The following PIK3C2G variants were observed in gnomAD, a reference collection of about 807,000 sequenced individuals.
PIK3C2G encodes phosphatidylinositol 3-kinase C2 domain-containing subunit gamma.
A neutral mutation model predicts 181.1 loss-of-function variants in PIK3C2G; 168 were observed. The ratio of observed to expected loss-of-function variants is 0.93; its 90% CI spans 0.82 to 1.05. The LOEUF is 1.05. Among genes scored for constraint, PIK3C2G ranks in the 50% least tolerant of loss-of-function variants. PIK3C2G has a pLI of 0.00. For synonymous variants in PIK3C2G, 573 were observed against 592.2 expected (o/e 0.97, Z 0.47); for missense variants, 1,869 against 1,732.8 (o/e 1.08, Z -1.40).
At chr12:18,409,446 A>G (rs934713533) in intron 16 of PIK3C2G, among the ~76,000 whole-genome samples, 1 of 152,144 alleles carries the variant, frequency 6.6e-6, no homozygotes, top group Non-Finnish European at 1.5e-5. Context: ...TACCTAATGT[A>G]GATGATGGGT....
chr12:18,364,642 A>G (rs1941509430), intron 12 of PIK3C2G, among the ~76,000 whole-genome samples: 1 of 152,144 alleles, frequency 6.6e-6, no homozygotes, highest in Non-Finnish European at 1.5e-5. Flanking sequence ...CCACATCTAT[A>G]ATCCCAACAC....
At chr12:18,476,362 T>G (rs981136611) in intron 18 of PIK3C2G, among the ~76,000 whole-genome samples, 13 of 152,116 alleles carry the variant, frequency 8.5e-5, no homozygotes, top group Admixed American at 5.9e-4. Context: ...TGATTGGAAA[T>G]ATGAGATAAG....
At chr12:18,484,578 C>T in intron 18 of PIK3C2G, among the ~76,000 whole-genome samples, 1 of 152,136 alleles carries the variant, frequency 6.6e-6, no homozygotes, top group East Asian at 1.9e-4. Context: ...CCATATAATG[C>T]TCTTTATATG....
intron 16 of PIK3C2G, among the ~76,000 whole-genome samples, chr12:18,410,227 T>G (rs771101930): frequency 6.6e-6 from 1 of 152,130 alleles, no homozygotes; most frequent in African/African-American, 2.4e-5. Context: ...AGGCCAGGCA[T>G]AGTGGCTCAC....
intron 20 of PIK3C2G, chr12:18,493,300 G>A (rs1319495965): frequency 1.3e-5 from 2 of 152,180 alleles, no homozygotes; most frequent in Non-Finnish European, 2.9e-5. Flanking sequence ...AACCATCTAT[G>A]AGAGCTCTTA....
the PIK3C2G span, among the ~76,000 whole-genome samples, chr12:18,702,417 T>C: frequency 1.3e-5 from 2 of 152,204 alleles, no homozygotes; most frequent in Non-Finnish European, 2.9e-5. Flanking sequence ...GCCCTTAGGA[T>C]AATTTCTTTA....
At chr12:18,687,122 A>G in the PIK3C2G span, among the ~76,000 whole-genome samples, 3 of 152,102 alleles carry the variant, frequency 2.0e-5, no homozygotes, top group Admixed American at 6.6e-5. Flanking sequence ...GGAAGTCATC[A>G]TCAATATCCC....
At chr12:18,291,746 T>G (rs1438299289) in intron 4 of PIK3C2G, among the ~76,000 whole-genome samples, 2 of 152,022 alleles carry the variant, frequency 1.3e-5, no homozygotes, top group Non-Finnish European at 2.9e-5. Context: ...ATTTATTAAT[T>G]ATTGTTATTA....
chr12:18,468,079 C>T (rs1201379591), intron 18 of PIK3C2G, among the ~76,000 whole-genome samples: 1 of 152,016 alleles, frequency 6.6e-6, no homozygotes, highest in African/African-American at 2.4e-5. Context: ...AACTGCTCCC[C>T]AGAAACCCAT....
the PIK3C2G span, among the ~76,000 whole-genome samples, chr12:18,654,691 A>G: frequency 6.6e-6 from 1 of 152,184 alleles, no homozygotes; most frequent in Admixed American, 6.6e-5. Context: ...ATTCCAGTTG[A>G]GTACTTGGTC....
At chr12:18,720,693 G>A in the PIK3C2G span, among the ~76,000 whole-genome samples, 1 of 152,002 alleles carries the variant, frequency 6.6e-6, no homozygotes, top group Non-Finnish European at 1.5e-5. Flanking sequence ...CTTGATTAGA[G>A]TGTGATCTTT....
chr12:18,582,164 A>G (rs1010255160), intron 29 of PIK3C2G, among the ~76,000 whole-genome samples: 1 of 152,162 alleles, frequency 6.6e-6, no homozygotes, highest in African/African-American at 2.4e-5. Context: ...AGAGAAATAG[A>G]AGGGGCAAGG....
intron 14 of PIK3C2G, among the ~76,000 whole-genome samples, chr12:18,387,581 T>C (rs1943257023): frequency 1.3e-5 from 2 of 152,178 alleles, no homozygotes; most frequent in African/African-American, 2.4e-5. Context: ...ATGAGATTCA[T>C]CTTTTTCCAC....
intron 18 of PIK3C2G, among the ~76,000 whole-genome samples, chr12:18,427,087 T>C (rs1945857412): frequency 6.6e-6 from 1 of 152,106 alleles, no homozygotes; most frequent in Non-Finnish European, 1.5e-5. Flanking sequence ...CCCTTAAAAC[T>C]TTACTGTTTT....
intron 8 of PIK3C2G, among the ~76,000 whole-genome samples, chr12:18,334,387 C>G (rs953902909): frequency 1.3e-5 from 2 of 152,088 alleles, no homozygotes. Flanking sequence ...TAAATCTAAT[C>G]CTCTTTTTAC....
At chr12:18,495,689 T>C (rs992716179) in intron 20 of PIK3C2G, among the ~76,000 whole-genome samples, 28 of 152,104 alleles carry the variant, frequency 1.8e-4, no homozygotes, top group African/African-American at 6.8e-4. Flanking sequence ...GGAAGGGAAA[T>C]AAAGTTTTTA....
At chr12:18,311,321 C>T (rs1950626095) in intron 5 of PIK3C2G, among the ~76,000 whole-genome samples, 1 of 151,796 alleles carries the variant, frequency 6.6e-6, no homozygotes, top group Non-Finnish European at 1.5e-5. Flanking sequence ...ATAGAATATC[C>T]AGTTTTATTT....
chr12:18,477,745 C>T (rs1353574079), intron 18 of PIK3C2G, among the ~76,000 whole-genome samples: 1 of 152,138 alleles, frequency 6.6e-6, no homozygotes, highest in Non-Finnish European at 1.5e-5. Flanking sequence ...CAGAATGAAT[C>T]TCACTGTTTG....
the PIK3C2G span, chr12:18,714,728 G>A: frequency 6.6e-6 from 1 of 152,266 alleles, no homozygotes; most frequent in African/African-American, 2.4e-5. Context: ...AATGTCTGGA[G>A]ACATTTTCGG....
Sources: gnomAD v4.1 joint callset for allele counts (sites outside exome capture counted in the v4.1 genomes callset) on GRCh38, gnomAD v4.1.1 for gene constraint, MANE v1.5 for transcripts, NCBI Gene and HGNC (gene_info 2026-07-23, HGNC 2026-07-21) for gene names.